SLC6A19: variants seen among roughly 807,000 people sequenced by gnomAD.
SLC6A19 encodes the protein sodium-dependent neutral amino acid transporter B(0)AT1.
A neutral mutation model predicts 68.3 loss-of-function variants in SLC6A19; 67 were observed. The observed-to-expected ratio is 0.98, with a 90% CI of 0.81 to 1.20. The LOEUF (loss-of-function observed/expected upper bound fraction) is 1.20, where lower values mean the gene tolerates loss of function less well. SLC6A19 is among the 50% of genes most tolerant of loss of function. SLC6A19 has a pLI of 0.00. For missense variants in SLC6A19, 813 were observed against 851.6 expected (o/e 0.95, Z 0.56); for synonymous variants, 392 against 374.9 (o/e 1.05, Z -0.53).
chr5:1,204,965 C>T (rs966191908), intron 1 of SLC6A19, among the ~76,000 whole-genome samples: 27 of 152,202 alleles, frequency 1.8e-4, no homozygotes, highest in African/African-American at 6.5e-4. Flanking sequence ...TCCCTCCTCC[C>T]CCTCTCTCCT....
At chr5:1,206,047 C>T (rs1450201363) in intron 1 of SLC6A19, among the ~76,000 whole-genome samples, 2 of 152,210 alleles carry the variant, frequency 1.3e-5, no homozygotes, top group Non-Finnish European at 2.9e-5. Flanking sequence ...GAGAGAGGGG[C>T]CTGTGTGGGG....
At chr5:1,219,474 C>T (rs755496181) in intron 9 of SLC6A19, 31 bp from the exon 10 acceptor site, 58 of 1,607,064 alleles carry the variant, frequency 3.6e-5, no homozygotes, top group South Asian at 2.5e-4. Flanking sequence ...AGCCCCTGGG[C>T]GTGTGAGCAG....
intron 10 of SLC6A19, 33 bp downstream of exon 10, chr5:1,219,697 T>C: frequency 6.2e-7 from 1 of 1,600,512 alleles, no homozygotes; most frequent in Non-Finnish European, 8.5e-7. Context: ...GTGCCTCTAA[T>C]GCAGAAAAGC....
At chr5:1,216,503 G>A in intron 6 of SLC6A19, 55 bp from the exon 7 acceptor site, 1 of 1,612,716 alleles carries the variant, frequency 6.2e-7, no homozygotes, top group Non-Finnish European at 8.5e-7. Flanking sequence ...GCCCTGGGCT[G>A]TGTCCTGACC....
At chr5:1,207,260 C>T (rs1047654041) in intron 1 of SLC6A19, among the ~76,000 whole-genome samples, 1 of 152,224 alleles carries the variant, frequency 6.6e-6, no homozygotes, top group African/African-American at 2.4e-5. Flanking sequence ...CTCTGCCGAG[C>T]ACCTTGGGCA....
chr5:1,213,806 A>T (rs1003310358), intron 5 of SLC6A19, 147 bp from the exon 6 acceptor site: 2 of 1,322,164 alleles, frequency 1.5e-6, no homozygotes, highest in African/African-American at 1.5e-5. Context: ...CCCCACAGGG[A>T]AGGCATAGCT....
Position 1,214,113 on chromosome 5 carries a change from G to T in SLC6A19, c.887+48G>T, listed in dbSNP as rs775916775. On this transcript the variant is annotated intron_variant, in intron 6 of 11. Coordinates refer to ENST00000304460, the MANE Select transcript of SLC6A19 (RefSeq NM_001003841.3). The surrounding 1 kb of genome is among the most constrained non-coding windows in gnomAD (Gnocchi z 7.4). The stretch of plus-strand genomic sequence containing the variant: ...TCAGTTTCCCTCTCAGTCCTGGGGG[G>T]ATCTTGCTGGGAGGATAAAAGACAA... The T allele has an allele frequency of 8.1e-6, 13 of 1,612,630 alleles. No individual in the cohort carries two copies. The Admixed American group carries it at 1.7e-4, about 21-fold the overall frequency.
At position 1,214,076 on chromosome 5, in the gene SLC6A19, G is replaced by A. The variant is rs765553441; in HGVS notation, c.887+11G>A. The A allele has an allele frequency of 5.6e-6, 9 of 1,613,742 alleles. No individual in the cohort carries two copies. The highest frequency in any genetic ancestry group is 7.6e-6 in the Non-Finnish European group (9 of 1,179,980). On this transcript the variant is annotated intron_variant, in intron 6 of 11. Coordinates refer to ENST00000304460, the MANE Select transcript of SLC6A19 (RefSeq NM_001003841.3). This position sits in a 1 kb window ranked among gnomAD's most constrained non-coding sequence, Gnocchi z 7.4. Reference sequence around the variant, plus strand: ...CTACAACTCTGTGCAGTGAGTGCGGGTGTGGTGGGCCTCAGTTTCCCTCTC... The same window carrying A: ...CTACAACTCTGTGCAGTGAGTGCGGATGTGGTGGGCCTCAGTTTCCCTCTC...
rs1264580604 is a variant in SLC6A19, at chr5:1,224,528, G to A, written c.*2624G>A. The A allele has an allele frequency of 2.0e-5, 3 of 152,400 alleles. No individual in the cohort carries two copies. The highest frequency in any genetic ancestry group is 7.2e-5 in the African/African-American group (3 of 41,466). The allele number at this position is 152,400 out of a possible 1,614,324, so 9.4% of individuals were successfully genotyped here. A position where few individuals can be genotyped will look rare whatever the true frequency, so the allele number is the denominator to read the frequency against. The stretch of plus-strand genomic sequence containing the variant: ...CTTGCTCCGAAGAGGCCATGGCCCA[G>A]GCCTGTGGCCTCACAATGGGGACCA... On this transcript the variant is annotated 3_prime_UTR_variant, in exon 12 of 12. Transcript: ENST00000304460.
In SLC6A19 at chr5:1,209,018, A is replaced by T. The variant is rs1455914082; in HGVS notation, c.343+132A>T. The T allele has an allele frequency of 8.0e-6, 10 of 1,253,492 alleles. No homozygotes were observed. Among genetic ancestry groups the T allele is most frequent in the Non-Finnish European group, 1.1e-5 (10 of 930,618 alleles). 77.6% of individuals were successfully genotyped at this position (1,253,492 alleles called of 1,614,324 possible). A position where few individuals can be genotyped will look rare whatever the true frequency, so the allele number is the denominator to read the frequency against. ...GCCTTCCCTGTCTGTTTCTGGTGCA[A>T]CAAAGGTCCCAGCTTCATCTCCTGG... On this transcript the variant is annotated intron_variant, in intron 2 of 11. Transcript: ENST00000304460. This position sits in a 1 kb window ranked among gnomAD's most constrained non-coding sequence, Gnocchi z 5.5.
Position 1,222,189 on chromosome 5 carries a change from G to T in SLC6A19, c.*285G>T, listed in dbSNP as rs1218513011. 3.4e-6 allele frequency: 2 copies of T among 593,640 alleles called. No homozygotes were observed. Among genetic ancestry groups the T allele is most frequent in the East Asian group, 5.5e-5 (2 of 36,170 alleles). 36.8% of individuals were successfully genotyped at this position (593,640 alleles called of 1,614,324 possible). On this transcript the variant is annotated 3_prime_UTR_variant, in exon 12 of 12. Transcript: ENST00000304460. ...GCCATGTGTGCAGATGTGTCATGTT[G>T]TGTGTGTGCATGTACATGTATGGAC... is the stretch of plus-strand genomic sequence containing the variant.
intron 1 of SLC6A19, among the ~76,000 whole-genome samples, chr5:1,205,236 T>C (rs1745821347): frequency 6.6e-6 from 1 of 152,204 alleles, no homozygotes; most frequent in Non-Finnish European, 1.5e-5. Context: ...TTTCCTTCTC[T>C]CCTTCCTCTG....
At chr5:1,204,200 C>T (rs779416466) in intron 1 of SLC6A19, among the ~76,000 whole-genome samples, 2 of 152,204 alleles carry the variant, frequency 1.3e-5, no homozygotes, top group Non-Finnish European at 2.9e-5. Context: ...GATTGTCCTT[C>T]GAGGTTAAAA....
intron 7 of SLC6A19, 26 bp downstream of exon 7, chr5:1,216,712 T>A (rs750098644): frequency 2.5e-6 from 4 of 1,613,678 alleles, no homozygotes; most frequent in Non-Finnish European, 2.5e-6. Flanking sequence ...ACCATCCTGG[T>A]GCCTTGGGCT....
chr5:1,204,928 G>C (rs1356644594), intron 1 of SLC6A19, among the ~76,000 whole-genome samples: 1 of 152,204 alleles, frequency 6.6e-6, no homozygotes, highest in Non-Finnish European at 1.5e-5. Flanking sequence ...AAAAGGGGAA[G>C]CTTAGTCCCT....
intron 1 of SLC6A19, among the ~76,000 whole-genome samples, chr5:1,204,318 A>G (rs1288577082): frequency 6.6e-6 from 1 of 152,182 alleles, no homozygotes; most frequent in African/African-American, 2.4e-5. Flanking sequence ...GAGGAAGGGC[A>G]TTTCCAAACT....
intron 5 of SLC6A19, 77 bp downstream of exon 5, chr5:1,213,650 C>T: frequency 2.2e-6 from 3 of 1,375,210 alleles, no homozygotes; most frequent in Non-Finnish European, 3.1e-6. Flanking sequence ...GCCTCAATAC[C>T]AGCTCTCACC....
rs1001683471 is a variant in SLC6A19 at position 1,225,100 on chromosome 5, A to C, written c.*3196A>C. ...TCAAATGGTTAAATAAAACATAAGA[A>C]ATTTAAAACGATTAAAATATGCCTC... On this transcript the variant is annotated 3_prime_UTR_variant, in exon 12 of 12. Transcript: ENST00000304460. The C allele has an allele frequency of 1.1e-5, 2 of 183,940 alleles. No homozygotes were observed. Among genetic ancestry groups the C allele is most frequent in the African/African-American group, 4.8e-5 (2 of 41,984 alleles). The allele number at this position is 183,940 out of a possible 1,614,324, so 11.4% of individuals were successfully genotyped here. A position where few individuals can be genotyped will look rare whatever the true frequency, so the allele number is the denominator to read the frequency against.
In SLC6A19 at chr5:1,208,761, C is replaced by T. The variant is rs200783817; in HGVS notation, c.218C>T (p.Pro73Leu). 68 of 1,613,464 alleles carry T rather than the reference C, an allele frequency of 4.2e-5. No homozygotes were observed. Among genetic ancestry groups the T allele is most frequent in the East Asian group, 2.7e-4 (12 of 44,872 alleles). Residue 73 changes from proline (P) to leucine (L), a missense_variant, in exon 2 of 12, where the codon CCG becomes CTG. Physicochemically the swap from Pro to Leu is moderately conservative, Grantham distance 98. Coordinates refer to ENST00000304460, the MANE Select transcript of SLC6A19 (RefSeq NM_001003841.3). ...QSHGGGAFMI[P>L]FLILLVLEGI... ...CCCATTGCAGGAGCCTTCATGATCC[C>T]GTTCCTCATCCTGCTGGTCCTGGAG...
Sources: allele counts gnomAD v4.1 joint callset (sites outside exome capture counted in the v4.1 genomes callset), GRCh38; gene constraint gnomAD v4.1.1; non-coding constraint Gnocchi (gnomAD v3.1); transcripts MANE v1.5; gene names NCBI Gene and HGNC (gene_info 2026-07-23, HGNC 2026-07-21).